Variants in PHACTR2 observed in about 807,000 individuals in gnomAD.
PHACTR2 encodes the protein chromosome 6 open reading frame 56.
PHACTR2 carries 30 observed loss-of-function variants against 76.0 expected under a neutral mutation model. The observed-to-expected ratio is 0.39, with a 90% CI of 0.30 to 0.54. The LOEUF is 0.54. PHACTR2 is among the 20% of genes least tolerant of loss of function. PHACTR2 has a pLI of 0.61. For missense variants in PHACTR2, 696 were observed against 781.1 expected, an observed-to-expected ratio of 0.89 and a Z score of 1.30; for synonymous variants, 292 against 292.5, an observed-to-expected ratio of 1.00 and a Z score of 0.02.
In PHACTR2 at chr6:143,777,532, T is replaced by C. The variant is rs757738567; in HGVS notation, c.1645+149T>C. On this transcript the variant is annotated intron_variant, in intron 9 of 12. Transcript: ENST00000440869. This position sits in a 1 kb window ranked among gnomAD's most constrained non-coding sequence, Gnocchi z 4.6. ...CATTTATGTCACATTTATATGTAATTGTTTATATATTTTTTTAATTTCTTG... is the reference window on the plus strand; with the variant it reads ...CATTTATGTCACATTTATATGTAATCGTTTATATATTTTTTTAATTTCTTG... The C allele has an allele frequency of 1.9e-4, 80 of 425,822 alleles. No individual in the cohort carries two copies. Among genetic ancestry groups the C allele is most frequent in the Admixed American group, 5.6e-4 (13 of 23,182 alleles). The allele number at this position is 425,822 out of a possible 1,614,324, so 26.4% of individuals were successfully genotyped here.
At chr6:143,707,406 T>A (rs979246514) in intron 1 of PHACTR2, among the ~76,000 whole-genome samples, 1 of 152,372 alleles carries the variant, frequency 6.6e-6, no homozygotes, top group South Asian at 2.1e-4. Context: ...TTTTGCCACC[T>A]ACTTTTTTCC....
At position 143,680,909 on chromosome 6, in the gene PHACTR2, T is replaced by A. The variant is rs1055893796; in HGVS notation, c.46+2700T>A. Among the ~76,000 whole-genome samples the A allele has an allele frequency of 5.9e-5, 9 of 152,216 alleles. No homozygotes were observed. Among genetic ancestry groups the A allele is most frequent in the Admixed American group, 1.3e-4 (2 of 15,290 alleles). On this transcript the variant is annotated intron_variant, in intron 1 of 12. Transcript: ENST00000440869. This position sits in a 1 kb window ranked among gnomAD's most constrained non-coding sequence, Gnocchi z 4.5. The stretch of plus-strand genomic sequence containing the variant: ...TCAGTTAGCATAATGTTTTCAAGGG[T>A]CATCCATGTTGTAGCATGTATCAGT...
At chr6:143,569,843 G>A (rs1775422505) in intron 1 of PHACTR2, among the ~76,000 whole-genome samples, 1 of 152,172 alleles carries the variant, frequency 6.6e-6, no homozygotes, top group Admixed American at 6.5e-5. Context: ...TGCAGATATG[G>A]CAAAAGTCTG....
intron 1 of PHACTR2, among the ~76,000 whole-genome samples, chr6:143,669,496 C>T (rs938358676): frequency 8.6e-5 from 13 of 152,030 alleles, no homozygotes; most frequent in Non-Finnish European, 1.5e-4. Context: ...ACTATTATTG[C>T]ATGGGAGTCT....
Position 143,672,882 on chromosome 6 carries a change from G to A in PHACTR2, c.14-39134G>A, listed in dbSNP as rs13204654. ...TGAGATTACAGGAGTGCACCACCAC[G>A]CCTGGCTAATTTTTGTATTTTTAGT... On this transcript the variant is annotated intron_variant, in intron 1 of 11. Transcript: ENST00000305766. This position sits in a 1 kb window ranked among gnomAD's most constrained non-coding sequence, Gnocchi z 5.8. Among the ~76,000 whole-genome samples, 35,252 of 151,764 alleles carry A rather than the reference G, an allele frequency of 0.23. 4,770 individuals are homozygous for A. The highest frequency in any genetic ancestry group is 0.38 in the Middle Eastern group (112 of 294).
chr6:143,641,537 G>A lies in PHACTR2; in HGVS notation c.13+33215G>A, dbSNP rs1272447995. The stretch of plus-strand genomic sequence containing the variant: ...GTTGTTGTTTTTGAGACAGAGTTTC[G>A]CTCTTGTTACCCAGGCTGGAGTACA... On this transcript the variant is annotated intron_variant, in intron 1 of 11. Transcript: ENST00000305766. This position sits in a 1 kb window ranked among gnomAD's most constrained non-coding sequence, Gnocchi z 5.8. Among the ~76,000 whole-genome samples the A allele has an allele frequency of 2.0e-5, 3 of 152,024 alleles. No homozygotes were observed. Among genetic ancestry groups the A allele is most frequent in the East Asian group, 1.9e-4 (1 of 5,190 alleles).
rs1246433533 is a variant in PHACTR2 at position 143,700,163 on chromosome 6, T to C, written c.47-11853T>C. Reference sequence around the variant, plus strand: ...TCGACTTAAATATATTGGTCTAGATTTAATGTGTTATTTTAATAATATTTG... The same window carrying C: ...TCGACTTAAATATATTGGTCTAGATCTAATGTGTTATTTTAATAATATTTG... On this transcript the variant is annotated intron_variant, in intron 1 of 12. Transcript: ENST00000440869. This position sits in a 1 kb window ranked among gnomAD's most constrained non-coding sequence, Gnocchi z 4.1. Among the ~76,000 whole-genome samples, 1 of 152,212 alleles carries C rather than the reference T, an allele frequency of 6.6e-6. No homozygotes were observed. Among genetic ancestry groups the C allele is most frequent in the Admixed American group, 6.5e-5 (1 of 15,274 alleles).
At chr6:143,613,145 T>A (rs1321696880) in intron 1 of PHACTR2, among the ~76,000 whole-genome samples, 3 of 152,182 alleles carry the variant, frequency 2.0e-5, no homozygotes, top group African/African-American at 7.2e-5. Flanking sequence ...CCCGGCTAAT[T>A]TTTACATTTT....
chr6:143,568,748 C>G (rs1245966096), intron 1 of PHACTR2, among the ~76,000 whole-genome samples: 2 of 152,210 alleles, frequency 1.3e-5, no homozygotes, highest in Non-Finnish European at 2.9e-5. Context: ...GAATGTACTT[C>G]AAGCTTAGCA....
At position 143,597,909 on chromosome 6, in the gene PHACTR2, C is replaced by G. The variant is rs577554645; in HGVS notation, c.217+60702C>G. Among the ~76,000 whole-genome samples, 1 of 152,194 alleles carries G rather than the reference C, an allele frequency of 6.6e-6. No individual in the cohort carries two copies. The highest frequency in any genetic ancestry group is 1.5e-5 in the Non-Finnish European group (1 of 68,036). On this transcript the variant is annotated intron_variant, in intron 1 of 11. Transcript: ENST00000367584. The surrounding 1 kb of genome is among the most constrained non-coding windows in gnomAD (Gnocchi z 5.7). ...GCCCTTCCTGATGCTCCTCCTACCA[C>G]CTGCCATATTTTCTACCTGTTACTC...
In PHACTR2 at chr6:143,608,225, CAGA is replaced by C. The variant is rs1775912008; in HGVS notation, c.-82_-80del. On this transcript the variant is annotated 5_prime_UTR_variant, in exon 1 of 12. Coordinates refer to the PHACTR2 transcript ENST00000305766. The surrounding 1 kb of genome is among the most constrained non-coding windows in gnomAD (Gnocchi z 4.6). Reference sequence around the variant, plus strand: ...TGTGCCAGCAAGGGCTGATAATCAGCAGAAGGACAGGGTGCTTCGTTAGTCAGA... The same window carrying C: ...TGTGCCAGCAAGGGCTGATAATCAGCAGGACAGGGTGCTTCGTTAGTCAGA... 32 of 1,399,234 alleles carry C rather than the reference CAGA, an allele frequency of 2.3e-5. No homozygotes were observed. Among genetic ancestry groups the C allele is most frequent in the Admixed American group, 5.1e-5 (3 of 58,940 alleles). The allele number at this position is 1,399,234 out of a possible 1,614,324, so 86.7% of individuals were successfully genotyped here. A position where few individuals can be genotyped will look rare whatever the true frequency, so the allele number is the denominator to read the frequency against.
chr6:143,734,524 T>C (rs1216086975), intron 2 of PHACTR2, among the ~76,000 whole-genome samples: 3 of 152,252 alleles, frequency 2.0e-5, no homozygotes, highest in African/African-American at 7.2e-5. Context: ...CTGAGCATTC[T>C]GTGAAAGCAT....
At position 143,754,170 on chromosome 6, in the gene PHACTR2, C is replaced by T. The variant is rs575108972; in HGVS notation, c.454+258C>T. On this transcript the variant is annotated intron_variant, in intron 4 of 12. Transcript: ENST00000440869. This position sits in a 1 kb window ranked among gnomAD's most constrained non-coding sequence, Gnocchi z 6.2. Reference sequence around the variant, plus strand: ...TAAAAGTAATAATCAGAAGGGGTGGCCTCTTTAATCATTAGAGATGTCTGG... The same window carrying T: ...TAAAAGTAATAATCAGAAGGGGTGGTCTCTTTAATCATTAGAGATGTCTGG... 1.0e-4 allele frequency: 24 copies of T among 233,914 alleles called. No individual in the cohort carries two copies. Among genetic ancestry groups the T allele is most frequent in the African/African-American group, 3.9e-4 (17 of 44,130 alleles). The allele number at this position is 233,914 out of a possible 1,614,324, so 14.5% of individuals were successfully genotyped here.
upstream of PHACTR2, among the ~76,000 whole-genome samples, chr6:143,604,546 T>C (rs1457313903): frequency 6.6e-6 from 1 of 152,146 alleles, no homozygotes; most frequent in Admixed American, 6.5e-5. Flanking sequence ...CATCAGTTCT[T>C]CTCTGTGCTT....
At chr6:143,604,191 A>G (rs144759625), upstream of PHACTR2, among the ~76,000 whole-genome samples, 696 of 152,220 alleles carry the variant, frequency 4.6e-3, 7 homozygotes, top group African/African-American at 0.016. Flanking sequence ...TTGGTAGTCA[A>G]TGTTCTGATT....
rs1775447363 is a variant in PHACTR2 at position 143,782,202 on chromosome 6, G to C, written c.1646-1017G>C. Among the ~76,000 whole-genome samples, 1 of 151,746 alleles carries C rather than the reference G, an allele frequency of 6.6e-6. No individual in the cohort carries two copies. Among genetic ancestry groups the C allele is most frequent in the Non-Finnish European group, 1.5e-5 (1 of 67,954 alleles). ...GATCGCGCCACTGCACTCTAGCCTG[G>C]GTGACAGAGCGAGAATCCGTTTCAA... On this transcript the variant is annotated intron_variant, in intron 9 of 12. Coordinates refer to ENST00000440869, the MANE Select transcript of PHACTR2 (RefSeq NM_001100164.2). This position sits in a 1 kb window ranked among gnomAD's most constrained non-coding sequence, Gnocchi z 4.6.
rs1294498617 is a variant in PHACTR2, at chr6:143,795,988, G to C, written c.1845+7078G>C. On this transcript the variant is annotated intron_variant, in intron 11 of 12. Coordinates refer to ENST00000440869, the MANE Select transcript of PHACTR2 (RefSeq NM_001100164.2). This position sits in a 1 kb window ranked among gnomAD's most constrained non-coding sequence, Gnocchi z 4.8. ...GAGAGTGTAGAATTTTTTCAGATGA[G>C]ATGTGCTTTTGTCCAACAGGTCACT... Among the ~76,000 whole-genome samples the C allele has an allele frequency of 1.3e-5, 2 of 152,144 alleles. No individual in the cohort carries two copies. The highest frequency in any genetic ancestry group is 2.9e-5 in the Non-Finnish European group (2 of 68,030).
rs565948681 is a variant in PHACTR2 at position 143,589,225 on chromosome 6, G to T, written c.217+52018G>T. Among the ~76,000 whole-genome samples, 206 of 152,314 alleles carry T rather than the reference G, an allele frequency of 1.4e-3. No homozygotes were observed. Among genetic ancestry groups the T allele is most frequent in the Admixed American group, 2.2e-3 (34 of 15,308 alleles). On this transcript the variant is annotated intron_variant, in intron 1 of 11. Coordinates refer to the PHACTR2 transcript ENST00000367584. The surrounding 1 kb of genome is among the most constrained non-coding windows in gnomAD (Gnocchi z 4.4). ...TCCCACCCAAATCTCATGTCCAGTT[G>T]TAATCTCCAGTGTTGGAGGAGGGGT...
rs148086020 is a variant in PHACTR2, at chr6:143,616,811, C to CA, written c.13+8490dup. On this transcript the variant is annotated intron_variant, in intron 1 of 11. Transcript: ENST00000305766. The surrounding 1 kb of genome is among the most constrained non-coding windows in gnomAD (Gnocchi z 4.9). ...CAGAGAAAGCTTCCTAAGGAGGTGGCATGCAGGCTGAGGCCTAAGGAATGA... is the reference window on the plus strand; with the variant it reads ...CAGAGAAAGCTTCCTAAGGAGGTGGCAATGCAGGCTGAGGCCTAAGGAATGA... Among the ~76,000 whole-genome samples the CA allele has an allele frequency of 6.3e-3, 954 of 152,212 alleles. 23 individuals carry two copies. In the East Asian group the frequency reaches 0.095, roughly 15 times the overall value.
Sources: allele counts gnomAD v4.1 joint callset (sites outside exome capture counted in the v4.1 genomes callset), GRCh38; gene constraint gnomAD v4.1.1; non-coding constraint Gnocchi (gnomAD v3.1); transcripts MANE v1.5; gene names NCBI Gene and HGNC (gene_info 2026-07-23, HGNC 2026-07-21).